The following KIF1A variants were observed in gnomAD, a reference collection of about 807,000 sequenced individuals.
KIF1A encodes the protein kinesin-like protein KIF1A.
KIF1A carries 46 observed loss-of-function variants against 227.3 expected under a neutral mutation model. The ratio of observed to expected loss-of-function variants is 0.20; its 90% CI spans 0.16 to 0.26. The LOEUF is 0.26. Ranked by LOEUF, KIF1A falls within the 10% of genes least tolerant of loss-of-function variation. KIF1A has a pLI of 1.00. For synonymous variants in KIF1A, 1,022 were observed against 1,012.8 expected (o/e 1.01, Z -0.17); for missense variants, 1,683 against 2,485.9 (o/e 0.68, Z 6.87).
chr2:240,725,484 C>T lies in KIF1A; in HGVS notation c.4123-80G>A. On this transcript the variant is annotated intron_variant, in intron 39 of 48. Transcript: ENST00000498729. This position sits in a 1 kb window ranked among gnomAD's most constrained non-coding sequence, Gnocchi z 5.8. ...CCCTTCCAGCCTTCTCCTGGGGGCA[C>T]AATGCCCAGCACCGACAGGCAGCCC... 4.0e-6 allele frequency: 6 copies of T among 1,509,874 alleles called. No individual in the cohort carries two copies. Among genetic ancestry groups the T allele is most frequent in the Non-Finnish European group, 5.4e-6 (6 of 1,107,246 alleles). 93.5% of individuals were successfully genotyped at this position (1,509,874 alleles called of 1,614,324 possible).
intron 23 of KIF1A, among the ~76,000 whole-genome samples, chr2:240,762,489 G>A (rs1296372197): frequency 2.6e-5 from 4 of 152,240 alleles, no homozygotes; most frequent in East Asian, 1.9e-4. Context: ...GTGTACACAC[G>A]CCAGTGCGTG....
At position 240,766,759 on chromosome 2, in the gene KIF1A, A is replaced by T. The variant is rs1575595134; in HGVS notation, c.1684+156T>A. On this transcript the variant is annotated intron_variant, in intron 19 of 48. Transcript: ENST00000498729. The surrounding 1 kb of genome is among the most constrained non-coding windows in gnomAD (Gnocchi z 5.0). Reference sequence around the variant, plus strand: ...CTCTCTCTCTCTCTCTCACACACACACACACACACACACACACACACACAC... The same window carrying T: ...CTCTCTCTCTCTCTCTCACACACACTCACACACACACACACACACACACAC... Among the ~76,000 whole-genome samples, 3 of 146,698 alleles carry T rather than the reference A, an allele frequency of 2.0e-5. No homozygotes were observed. The highest frequency in any genetic ancestry group is 7.9e-5 in the African/African-American group (3 of 38,012).
chr2:240,769,692 G>A lies in KIF1A; in HGVS notation c.1356C>T (p.Ile452=). 6.2e-7 allele frequency: 1 copy of A among 1,613,446 alleles called. No individual in the cohort carries two copies. Among genetic ancestry groups the A allele is most frequent in the Non-Finnish European group, 8.5e-7 (1 of 1,179,712 alleles). ...CCCAGGTCTCATTGAGCTCAGCTAT[G>A]ATCTTCTCTGTTTCCTGGGGATTGA... The part of the protein sequence containing the change: ...AIERLKETEK[I]IAELNETWEE... Residue 452 remains isoleucine (I), a synonymous_variant, in exon 16 of 49, where the codon ATC becomes ATT. Transcript: ENST00000498729.
Position 240,746,078 on chromosome 2 carries a change from C to A in KIF1A, c.3163G>T (p.Gly1055Trp). Residue 1055 changes from glycine to tryptophan, a missense_variant, in exon 30 of 49, where the codon GGG becomes TGG. Physicochemically the swap from Gly to Trp is radical, Grantham distance 184. Transcript: ENST00000498729. ...TTGTTGACTTCATCGGCTGAGGGCC[C>A]CACGTCTGCACCCTGGCCCTGGCCC... ...VEGQGQGADV[G>W]PSADEVNNNT... The A allele has an allele frequency of 6.3e-7, 1 of 1,599,776 alleles. No homozygotes were observed. Among genetic ancestry groups the A allele is most frequent in the Non-Finnish European group, 8.5e-7 (1 of 1,173,778 alleles).
Position 240,725,319 on chromosome 2 carries a change from C to G in KIF1A, c.4208G>C (p.Arg1403Pro). The change falls in exon 40 of 49, where the codon CGC (arginine) becomes CCC (proline). Residue 1403 changes from arginine (R) to proline (P), a missense_variant. By Grantham distance (103) the Arg-to-Pro change is moderately radical. Transcript: ENST00000498729. This position sits in a 1 kb window ranked among gnomAD's most constrained non-coding sequence, Gnocchi z 5.8. ...ACTGCCAAAGAGGTTGCGGATGGAG[C>G]GCGAGGCTGGCAGCTTGGCATCACG... Reference protein sequence around the residue: ...YSRDAKLPASRSIRNLFGSGS... With the variant: ...YSRDAKLPASPSIRNLFGSGS... The G allele has an allele frequency of 1.2e-6, 2 of 1,610,618 alleles. No homozygotes were observed. The highest frequency in any genetic ancestry group is 1.7e-6 in the Non-Finnish European group (2 of 1,179,052).
Position 240,769,211 on chromosome 2 carries a change from G to A in KIF1A, c.1422-3C>T. ...CCATCTCGGCCAGCAGGGCTTCCCT[G>A]GGGGAACAGAGCTGAGGTCAGCACA... On this transcript the variant is annotated splice_region_variant and splice_polypyrimidine_tract_variant and intron_variant, in intron 16 of 48. Coordinates refer to ENST00000498729, the MANE Select transcript of KIF1A (RefSeq NM_001244008.2). 1 of 1,606,754 alleles carries A rather than the reference G, an allele frequency of 6.2e-7. No individual in the cohort carries two copies. The highest frequency in any genetic ancestry group is 8.5e-7 in the Non-Finnish European group (1 of 1,177,068).
At chr2:240,737,206 G>GGTCCCACCTGCCCCCT in intron 37 of KIF1A, 38 bp from the exon 38 acceptor site, 1 of 1,557,354 alleles carries the variant, frequency 6.4e-7, no homozygotes, top group Non-Finnish European at 8.9e-7. Flanking sequence ...CACTTCCCAG[G>GGTCCCACCTGCCCCCT]GGGCAGGTGG....
intron 28 of KIF1A, 131 bp from the exon 29 acceptor site, chr2:240,747,452 C>T (rs1156253427): frequency 2.3e-5 from 15 of 643,998 alleles, no homozygotes; most frequent in South Asian, 5.8e-5. Flanking sequence ...GACCCCTGAC[C>T]GAATCTGCCA....
intron 25 of KIF1A, among the ~76,000 whole-genome samples, chr2:240,759,382 T>C (rs1252108496): frequency 1.3e-5 from 2 of 152,064 alleles, no homozygotes; most frequent in African/African-American, 4.8e-5. Context: ...CTCCTTTCTC[T>C]AACTTTTTCA....
chr2:240,807,924 A>G (rs6723542), intron 1 of KIF1A, among the ~76,000 whole-genome samples: 64,057 of 151,726 alleles, frequency 0.42, 14,647 homozygotes, highest in South Asian at 0.57. Context: ...AATAGATACT[A>G]AAAAAGCATT....
At chr2:240,765,661 G>C (rs368047262) in intron 20 of KIF1A, 49 bp downstream of exon 20, 6 of 1,424,798 alleles carry the variant, frequency 4.2e-6, no homozygotes, top group Non-Finnish European at 5.9e-6. Flanking sequence ...CAGAGGCCTC[G>C]CCTCATGCCT....
chr2:240,819,137 C>T (rs2058538056), intron 1 of KIF1A, among the ~76,000 whole-genome samples: 1 of 152,130 alleles, frequency 6.6e-6, no homozygotes, highest in Non-Finnish European at 1.5e-5. Flanking sequence ...TGCGGACCCT[C>T]CCTCCCGGCG....
intron 32 of KIF1A, among the ~76,000 whole-genome samples, chr2:240,745,034 C>A (rs2048420407): frequency 6.6e-6 from 1 of 152,138 alleles, no homozygotes; most frequent in Admixed American, 6.5e-5. Context: ...TTCCAGACCT[C>A]TCGGGACGTT....
intron 1 of KIF1A, among the ~76,000 whole-genome samples, chr2:240,799,589 G>A (rs772747308): frequency 5.3e-5 from 8 of 152,208 alleles, no homozygotes; most frequent in Admixed American, 2.6e-4. Context: ...CAGCGTGGAC[G>A]GGGGGATGAC....
chr2:240,746,105 C>A lies in KIF1A; in HGVS notation c.3136G>T (p.Glu1046Ter). ...GTSQEELRIV[E>*]GQGQGADVGP... is the part of the protein sequence containing the mutation. ...ACGTCTGCACCCTGGCCCTGGCCCT[C>A]CACGATGCGAAGCTCTTCCTGGGAG... is the stretch of plus-strand genomic sequence containing the variant. The change falls in exon 30 of 49, where the codon GAG (glutamate) becomes TAG (stop). Residue 1046 changes from glutamate to a stop codon, truncating the protein, a stop_gained. Coordinates refer to ENST00000498729, the MANE Select transcript of KIF1A (RefSeq NM_001244008.2). LOFTEE classifies it high-confidence loss of function. The A allele has an allele frequency of 6.3e-7, 1 of 1,585,356 alleles. No homozygotes were observed. Among genetic ancestry groups the A allele is most frequent in the Admixed American group, 1.8e-5 (1 of 55,800 alleles).
chr2:240,719,978 C>T (rs571434431), intron 45 of KIF1A, 52 bp from the exon 46 acceptor site: 3 of 1,520,400 alleles, frequency 2.0e-6, no homozygotes, highest in Non-Finnish European at 2.6e-6. Flanking sequence ...GGGCCTGGGG[C>T]CGTCTTCCCC....
At chr2:240,795,449 G>T (rs1201286050) in intron 2 of KIF1A, among the ~76,000 whole-genome samples, 3 of 152,250 alleles carry the variant, frequency 2.0e-5, no homozygotes, top group Non-Finnish European at 4.4e-5. Flanking sequence ...AGAGGAGAGG[G>T]TAGAGTGAAG....
At chr2:240,795,937 C>G (rs1317631947) in intron 2 of KIF1A, among the ~76,000 whole-genome samples, 6 of 152,212 alleles carry the variant, frequency 3.9e-5, no homozygotes, top group Non-Finnish European at 8.8e-5. Context: ...GTTCTTGTCA[C>G]TGTGCCAACC....
At chr2:240,820,680 G>C (rs982924457), upstream of KIF1A, among the ~76,000 whole-genome samples, 4 of 152,134 alleles carry the variant, frequency 2.6e-5, no homozygotes, top group African/African-American at 9.7e-5. The surrounding 1 kb of genome is among the most constrained non-coding windows in gnomAD (Gnocchi z 6.2). Context: ...GGGCGGGCGG[G>C]GCTGGGGAGG....
Sources: gnomAD v4.1 joint callset for allele counts (sites outside exome capture counted in the v4.1 genomes callset) on GRCh38, gnomAD v4.1.1 for gene constraint, Gnocchi (gnomAD v3.1) non-coding constraint, MANE v1.5 for transcripts, NCBI Gene and HGNC (gene_info 2026-07-23, HGNC 2026-07-21) for gene names.